Variants in BCO1 observed in about 807,000 individuals in gnomAD.
BCO1 encodes beta-carotene oxygenase 1.
BCO1 carries 54 observed loss-of-function variants against 56.3 expected under a neutral mutation model. The ratio of observed to expected loss-of-function variants is 0.96; its 90% CI spans 0.77 to 1.20. BCO1 has a LOEUF of 1.20. BCO1 is among the 50% of genes most tolerant of loss of function. The pLI is 0.00. For synonymous variants in BCO1, 318 were observed against 266.1 expected (o/e 1.20, Z -1.90); for missense variants, 801 against 690.9 (o/e 1.16, Z -1.79).
Position 81,245,617 on chromosome 16 carries a change from C to A in BCO1, c.193+14C>A, listed in dbSNP as rs753270632. 1 of 1,614,090 alleles carries A rather than the reference C, an allele frequency of 6.2e-7. No homozygotes were observed. The highest frequency in any genetic ancestry group is 2.2e-5 in the East Asian group (1 of 44,870). On this transcript the variant is annotated intron_variant, in intron 2 of 10. Coordinates refer to ENST00000258168, the MANE Select transcript of BCO1 (RefSeq NM_017429.3). The stretch of plus-strand genomic sequence containing the variant: ...CCATCAGAGACGGTGAGAACACCCA[C>A]GAGTGTGCTGCCACTGCTGCAGCAA...
intron 2 of BCO1, among the ~76,000 whole-genome samples, chr16:81,246,072 G>A (rs1279656825): frequency 1.3e-5 from 2 of 151,474 alleles, no homozygotes; most frequent in East Asian, 3.9e-4. Context: ...CAGATGATCC[G>A]CCCACCTCGT....
chr16:81,254,394 G>A lies in BCO1; in HGVS notation c.194-5282G>A, dbSNP rs146957220. Reference sequence around the variant, plus strand: ...TCGAACTCCTGACCTCAGACGATCCGCCCATCTTGGCCTCCCAAAGTGCTG... The same window carrying A: ...TCGAACTCCTGACCTCAGACGATCCACCCATCTTGGCCTCCCAAAGTGCTG... On this transcript the variant is annotated intron_variant, in intron 2 of 10. Coordinates refer to ENST00000258168, the MANE Select transcript of BCO1 (RefSeq NM_017429.3). Among the ~76,000 whole-genome samples the A allele has an allele frequency of 3.9e-4, 53 of 134,772 alleles. No homozygotes were observed. The South Asian group carries it at 6.9e-3, about 17-fold the overall frequency. 88.4% of individuals were successfully genotyped at this position (134,772 alleles called of 152,430 possible). A position where few individuals can be genotyped will look rare whatever the true frequency, so the allele number is the denominator to read the frequency against.
At chr16:81,281,516 CCTTACTGAACATGGG>C (rs1186650544) in intron 8 of BCO1, among the ~76,000 whole-genome samples, 1 of 152,106 alleles carries the variant, frequency 6.6e-6, no homozygotes, top group Non-Finnish European at 1.5e-5. Context: ...AAATGCTGTC[CCTTACTGAACATGGG>C]CTTACTGAAC....
chr16:81,278,516 C>T (rs1454195134), intron 7 of BCO1, among the ~76,000 whole-genome samples: 3 of 152,206 alleles, frequency 2.0e-5, no homozygotes, highest in African/African-American at 7.2e-5. Context: ...TTCCTGGGCA[C>T]TAGGTGCCAG....
At chr16:81,265,244 C>A (rs1411587554) in intron 5 of BCO1, among the ~76,000 whole-genome samples, 2 of 150,240 alleles carry the variant, frequency 1.3e-5, no homozygotes, top group African/African-American at 4.9e-5. Flanking sequence ...CCTATCCACC[C>A]CTTATCTAGC....
chr16:81,244,786 G>C (rs976075751), intron 1 of BCO1, among the ~76,000 whole-genome samples: 1 of 149,212 alleles, frequency 6.7e-6, no homozygotes, highest in Non-Finnish European at 1.5e-5. Context: ...GAGTGGAGTG[G>C]TGTGATCACT....
intron 7 of BCO1, among the ~76,000 whole-genome samples, chr16:81,275,765 TA>T (rs1907516671): frequency 6.6e-6 from 1 of 152,266 alleles, no homozygotes; most frequent in South Asian, 2.1e-4. Context: ...AAATTCTATT[TA>T]AAAGGCCAGG....
At chr16:81,255,025 C>T (rs1028223187) in intron 2 of BCO1, among the ~76,000 whole-genome samples, 1 of 152,180 alleles carries the variant, frequency 6.6e-6, no homozygotes, top group African/African-American at 2.4e-5. Flanking sequence ...TCAAGCGATC[C>T]TCCCCTCTGG....
intron 2 of BCO1, among the ~76,000 whole-genome samples, chr16:81,250,679 C>T (rs999481091): frequency 6.9e-6 from 1 of 144,778 alleles, no homozygotes; most frequent in African/African-American, 2.6e-5. Context: ...CTCCCAGGTT[C>T]AAGCGATTCT....
At chr16:81,262,026 G>A (rs768044109) in intron 3 of BCO1, 110 bp from the exon 4 acceptor site, 9 of 1,366,978 alleles carry the variant, frequency 6.6e-6, no homozygotes, top group Middle Eastern at 2.2e-4. Flanking sequence ...ACAGGCACCC[G>A]GCCGAAGTAA....
rs1908420526 is a variant in BCO1, at chr16:81,290,790, C to T, written c.*213C>T. 1 of 567,798 alleles carries T rather than the reference C, an allele frequency of 1.8e-6. No individual in the cohort carries two copies. The highest frequency in any genetic ancestry group is 2.2e-5 in the South Asian group (1 of 44,942). The allele number at this position is 567,798 out of a possible 1,614,324, so 35.2% of individuals were successfully genotyped here. ...GTTTGAAAGTCAAACATTTGAACATCAAATATGTATTGATTAGATCCAGTC... is the reference window on the plus strand; with the variant it reads ...GTTTGAAAGTCAAACATTTGAACATTAAATATGTATTGATTAGATCCAGTC... On this transcript the variant is annotated 3_prime_UTR_variant, in exon 11 of 11. Transcript: ENST00000258168.
chr16:81,268,217 G>A (rs1171184416), intron 6 of BCO1, 86 bp downstream of exon 6: 21 of 1,266,836 alleles, frequency 1.7e-5, no homozygotes, highest in South Asian at 2.4e-5. Flanking sequence ...TTTAAGGCAA[G>A]GAAGTGGCAT....
chr16:81,267,885 A>AG (rs1313476049), intron 5 of BCO1, 23 bp from the exon 6 acceptor site: 2 of 1,608,674 alleles, frequency 1.2e-6, no homozygotes, highest in African/African-American at 2.7e-5. Context: ...ACAATTCCTG[A>AG]GGCTTGCTTT....
intron 10 of BCO1, among the ~76,000 whole-genome samples, chr16:81,290,138 CA>C (rs1176373731): frequency 6.6e-6 from 1 of 152,312 alleles, no homozygotes; most frequent in East Asian, 1.9e-4. Context: ...GGCGGGATTA[CA>C]GGCGTGAGCC....
At position 81,280,853 on chromosome 16, in the gene BCO1, T is replaced by C. The variant is rs1567463603; in HGVS notation, c.1102-4T>C. 4 of 1,610,194 alleles carry C rather than the reference T, an allele frequency of 2.5e-6. No homozygotes were observed. The highest frequency in any genetic ancestry group is 3.4e-6 in the Non-Finnish European group (4 of 1,176,330). On this transcript the variant is annotated splice_region_variant and splice_polypyrimidine_tract_variant and intron_variant, in intron 7 of 10. Transcript: ENST00000258168. Reference sequence around the variant, plus strand: ...TTTACTTTTTGAAAACTGAATTTTTTCAGAATGCAGAAGTGGGCACAAATT... The same window carrying C: ...TTTACTTTTTGAAAACTGAATTTTTCCAGAATGCAGAAGTGGGCACAAATT...
chr16:81,244,182 C>A (rs915255744), intron 1 of BCO1, among the ~76,000 whole-genome samples: 1 of 152,226 alleles, frequency 6.6e-6, no homozygotes, highest in Non-Finnish European at 1.5e-5. Flanking sequence ...TAGGAAGGGA[C>A]GAACGCTGAG....
At chr16:81,258,696 A>C (rs1906298638) in intron 2 of BCO1, among the ~76,000 whole-genome samples, 1 of 152,220 alleles carries the variant, frequency 6.6e-6, no homozygotes, top group Non-Finnish European at 1.5e-5. Flanking sequence ...CTTCCTATGG[A>C]AAATGGAGCT....
chr16:81,253,822 G>C (rs1905958473), intron 2 of BCO1, among the ~76,000 whole-genome samples: 1 of 152,116 alleles, frequency 6.6e-6, no homozygotes, highest in Non-Finnish European at 1.5e-5. Flanking sequence ...AATTAGCCAG[G>C]CATGGTAGCA....
intron 2 of BCO1, among the ~76,000 whole-genome samples, chr16:81,258,886 G>T (rs1222868584): frequency 6.6e-6 from 1 of 152,148 alleles, no homozygotes; most frequent in South Asian, 2.1e-4. Flanking sequence ...GCCTCAAAAA[G>T]CTTTGGCTCA....
Sources: gnomAD v4.1 joint callset for allele counts (sites outside exome capture counted in the v4.1 genomes callset) on GRCh38, gnomAD v4.1.1 for gene constraint, MANE v1.5 for transcripts, NCBI Gene and HGNC (gene_info 2026-07-23, HGNC 2026-07-21) for gene names.